ACTN2: variants seen among roughly 807,000 people sequenced by gnomAD.
ACTN2 encodes actinin alpha 2.
Under a neutral mutation model 113.8 loss-of-function variants are expected in ACTN2, and 39 were observed. The ratio of observed to expected loss-of-function variants is 0.34; its 90% CI spans 0.27 to 0.45. ACTN2 has a LOEUF of 0.45. Among genes scored for constraint, ACTN2 ranks in the 20% least tolerant of loss-of-function variants. The probability of loss-of-function intolerance (pLI) is 1.00; values close to 1 mark genes in which losing one functional copy is unlikely to be tolerated. For synonymous variants in ACTN2, 429 were observed against 444.1 expected (o/e 0.97, Z 0.43); for missense variants, 992 against 1,177.9 (o/e 0.84, Z 2.31).
chr1:236,720,202 T>C lies in ACTN2; in HGVS notation c.448+11T>C. 1 of 1,592,834 alleles carries C rather than the reference T, an allele frequency of 6.3e-7. No homozygotes were observed. The highest frequency in any genetic ancestry group is 8.6e-7 in the Non-Finnish European group (1 of 1,160,466). ...ATATTTCGGTTGAAGGTAAAAGACA[T>C]GGTTAAAAGTCTAATTGTATAATCT... On this transcript the variant is annotated intron_variant, in intron 4 of 20. Coordinates refer to ENST00000366578, the MANE Select transcript of ACTN2 (RefSeq NM_001103.4).
Position 236,754,103 on chromosome 1 carries a change from C to A in ACTN2, c.1974+22C>A, listed in dbSNP as rs1261403156. The A allele has an allele frequency of 6.2e-7, 1 of 1,612,942 alleles. No individual in the cohort carries two copies. Among genetic ancestry groups the A allele is most frequent in the Non-Finnish European group, 8.5e-7 (1 of 1,180,026 alleles). On this transcript the variant is annotated intron_variant, in intron 16 of 20. Transcript: ENST00000366578. The surrounding 1 kb of genome is among the most constrained non-coding windows in gnomAD (Gnocchi z 4.9). ...GGAGGTAAGCCAGCGCCCTCCCAGG[C>A]GCTGTTCACAAGCCTTGCGATAAGT...
chr1:236,746,078 A>G (rs1659226603), intron 12 of ACTN2, among the ~76,000 whole-genome samples: 1 of 148,504 alleles, frequency 6.7e-6, no homozygotes, highest in African/African-American at 2.5e-5. Flanking sequence ...AGGCAGGAGA[A>G]TGGTGTGAAC....
intron 1 of ACTN2, among the ~76,000 whole-genome samples, chr1:236,700,587 G>A (rs1293724848): frequency 1.3e-5 from 2 of 152,160 alleles, no homozygotes; most frequent in African/African-American, 4.8e-5. Context: ...TTATTGAGAT[G>A]AGTCCTCCCT....
rs921392642 is a variant in ACTN2, at chr1:236,718,955, C to T, written c.303C>T (p.Asn101=). The change falls in exon 3 of 21, where the codon AAC becomes AAT. Residue 101 remains asparagine (N), a synonymous_variant. Coordinates refer to ENST00000366578, the MANE Select transcript of ACTN2 (RefSeq NM_001103.4). Reference sequence around the variant, plus strand: ...GGTTCCACAAAATTGCTAATGTCAACAAAGCTTTGGATTACATAGCCAGCA... The same window carrying T: ...GGTTCCACAAAATTGCTAATGTCAATAAAGCTTTGGATTACATAGCCAGCA... ...KMRFHKIANV[N]KALDYIASKG... 9 of 1,614,166 alleles carry T rather than the reference C, an allele frequency of 5.6e-6. No homozygotes were observed. The East Asian group carries it at 1.3e-4, about 24-fold the overall frequency.
At chr1:236,705,953 T>C (rs567686809) in intron 1 of ACTN2, among the ~76,000 whole-genome samples, 7 of 152,344 alleles carry the variant, frequency 4.6e-5, no homozygotes, top group African/African-American at 1.7e-4. Flanking sequence ...AAATTTGTGA[T>C]GCAGAATTTG....
In ACTN2 at chr1:236,757,525, G is replaced by T. The variant is rs777744290; in HGVS notation, c.2194G>T (p.Ala732Ser). 1 of 1,613,926 alleles carries T rather than the reference G, an allele frequency of 6.2e-7. No homozygotes were observed. The highest frequency in any genetic ancestry group is 8.5e-7 in the Non-Finnish European group (1 of 1,180,022). The stretch of plus-strand genomic sequence containing the variant: ...ATGGGAGCTGCTGCTGACAACCATC[G>T]CCAGAACCATCAATGAGGTGGAGAC... The part of the protein sequence containing the change: ...VGWELLLTTI[A>S]RTINEVETQI... The change falls in exon 18 of 21, where the codon GCC (alanine) becomes TCC (serine). Residue 732 changes from alanine to serine, a missense_variant. Coordinates refer to ENST00000366578, the MANE Select transcript of ACTN2 (RefSeq NM_001103.4).
intron 7 of ACTN2, among the ~76,000 whole-genome samples, chr1:236,733,319 C>T (rs2039744): frequency 0.15 from 22,930 of 152,176 alleles, 1,797 homozygotes; most frequent in South Asian, 0.2. Context: ...TATTCACTCA[C>T]GTAGAATTAT....
chr1:236,737,040 C>T, intron 8 of ACTN2, 82 bp from the exon 9 acceptor site: 1 of 1,211,754 alleles, frequency 8.3e-7, no homozygotes, highest in South Asian at 1.3e-5. Context: ...TCCTCGTCCC[C>T]TCTCATCACC....
chr1:236,689,355 AT>A (rs1558218460), intron 1 of ACTN2, among the ~76,000 whole-genome samples: 2 of 143,302 alleles, frequency 1.4e-5, no homozygotes, highest in African/African-American at 5.1e-5. Context: ...ACATATGTAT[AT>A]TTTATATATA....
rs1287910249 is a variant in ACTN2, at chr1:236,725,795, C to G, written c.449-138C>G. 21 of 786,374 alleles carry G rather than the reference C, an allele frequency of 2.7e-5. No homozygotes were observed. The Middle Eastern group carries it at 1.3e-3, about 50-fold the overall frequency. 48.7% of individuals were successfully genotyped at this position (786,374 alleles called of 1,614,324 possible). A position where few individuals can be genotyped will look rare whatever the true frequency, so the allele number is the denominator to read the frequency against. ...ACTCACCAAGATCAGGGTTCTGGCT[C>G]CTATGCACTTGCCGAGGCTGTAGGA... On this transcript the variant is annotated intron_variant, in intron 4 of 20. Coordinates refer to ENST00000366578, the MANE Select transcript of ACTN2 (RefSeq NM_001103.4).
At chr1:236,739,620 T>G (rs1659007907) in intron 10 of ACTN2, 88 bp downstream of exon 10, 2 of 1,439,436 alleles carry the variant, frequency 1.4e-6, no homozygotes, top group South Asian at 1.2e-5. Flanking sequence ...GAGGAGGCAT[T>G]GACTTCTTGA....
chr1:236,693,282 T>C (rs1025455215), intron 1 of ACTN2, among the ~76,000 whole-genome samples: 19 of 151,906 alleles, frequency 1.3e-4, no homozygotes, highest in African/African-American at 4.4e-4. Context: ...AAAATATAAA[T>C]GGAACACAAG....
chr1:236,709,239 TATATATATATATATATACACAC>T (rs1657928342), intron 1 of ACTN2, among the ~76,000 whole-genome samples: 2 of 85,112 alleles, frequency 2.3e-5, no homozygotes, highest in African/African-American at 7.2e-5. Flanking sequence ...TATATATATA[TATATATATATATATATACACAC>T]ACACACACAC....
chr1:236,747,867 A>G, intron 13 of ACTN2, 92 bp downstream of exon 13: 2 of 1,041,758 alleles, frequency 1.9e-6, no homozygotes, highest in Non-Finnish European at 1.5e-6. Flanking sequence ...TCTCTGTGGC[A>G]TGAAACAGGT....
At chr1:236,748,317 G>A (rs1328835857) in intron 13 of ACTN2, among the ~76,000 whole-genome samples, 2 of 152,098 alleles carry the variant, frequency 1.3e-5, no homozygotes, top group Non-Finnish European at 2.9e-5. Flanking sequence ...AGTTCCCTGA[G>A]TCTTTTCTGC....
chr1:236,743,792 T>C (rs1272886679), intron 11 of ACTN2, among the ~76,000 whole-genome samples: 2 of 152,214 alleles, frequency 1.3e-5, no homozygotes, highest in African/African-American at 4.8e-5. Flanking sequence ...ACAGTTCTGA[T>C]GCATAGCAGC....
chr1:236,688,791 G>A (rs1475468984), intron 1 of ACTN2, among the ~76,000 whole-genome samples: 1 of 152,176 alleles, frequency 6.6e-6, no homozygotes, highest in African/African-American at 2.4e-5. Context: ...TGTGGCCAGA[G>A]CAGTGGCCTC....
At chr1:236,708,283 G>A (rs1359719149) in intron 1 of ACTN2, among the ~76,000 whole-genome samples, 2 of 152,174 alleles carry the variant, frequency 1.3e-5, no homozygotes, top group African/African-American at 4.8e-5. Context: ...TGGACTTCCA[G>A]GACATCCTGA....
At chr1:236,705,226 T>C (rs1329727017) in intron 1 of ACTN2, among the ~76,000 whole-genome samples, 1 of 151,674 alleles carries the variant, frequency 6.6e-6, no homozygotes, top group South Asian at 2.1e-4. Context: ...ATATAAAAAA[T>C]ATCACAGAAA....
Sources: gnomAD v4.1 joint callset for allele counts (sites outside exome capture counted in the v4.1 genomes callset) on GRCh38, gnomAD v4.1.1 for gene constraint, Gnocchi (gnomAD v3.1) non-coding constraint, MANE v1.5 for transcripts, NCBI Gene and HGNC (gene_info 2026-07-23, HGNC 2026-07-21) for gene names.